BBS9: variants seen among roughly 807,000 people sequenced by gnomAD.
BBS9 encodes protein PTHB1.
A neutral mutation model predicts 117.7 loss-of-function variants in BBS9; 89 were observed. The observed-to-expected ratio is 0.76, with a 90% CI of 0.64 to 0.90. The LOEUF is 0.90. BBS9 is among the 40% of genes least tolerant of loss of function. The pLI is 0.00. For synonymous variants in BBS9, 379 were observed against 370.9 expected (o/e 1.02, Z -0.25); for missense variants, 982 against 1,042.2 (o/e 0.94, Z 0.80).
At chr7:33,517,961 G>A (rs1848046270) in intron 20 of BBS9, among the ~76,000 whole-genome samples, 1 of 152,078 alleles carries the variant, frequency 6.6e-6, no homozygotes, top group Non-Finnish European at 1.5e-5. Context: ...GAAAAATGCT[G>A]GCACATTTAA....
intron 21 of BBS9, among the ~76,000 whole-genome samples, chr7:33,581,948 C>G (rs191316744): frequency 6.7e-6 from 1 of 149,992 alleles, no homozygotes; most frequent in Non-Finnish European, 1.5e-5. Flanking sequence ...TTTGTGTTGT[C>G]TAGACAGTTT....
At chr7:33,239,812 C>T (rs890001028) in intron 5 of BBS9, among the ~76,000 whole-genome samples, 9 of 151,956 alleles carry the variant, frequency 5.9e-5, no homozygotes, top group African/African-American at 2.2e-4. Context: ...GAATTCAAGA[C>T]CAGCCTGAGC....
In BBS9 at chr7:33,564,956, A is replaced by G. The variant is rs562214366; in HGVS notation, c.2521+30780A>G. On this transcript the variant is annotated intron_variant, in intron 21 of 22. Transcript: ENST00000242067. ...TATAACATCAAAAGGAAATATTTAT[A>G]TAATGTAGTGCATGAGGCTACACAG... Among the ~76,000 whole-genome samples the G allele has an allele frequency of 7.2e-5, 11 of 152,304 alleles. No homozygotes were observed. In the South Asian group the frequency reaches 1.7e-3, roughly 23 times the overall value.
At chr7:33,444,546 A>G (rs1346085020) in intron 19 of BBS9, among the ~76,000 whole-genome samples, 1 of 152,240 alleles carries the variant, frequency 6.6e-6, no homozygotes, top group Non-Finnish European at 1.5e-5. Flanking sequence ...TAGTCATTAT[A>G]GAAAGCTGAT....
intron 19 of BBS9, among the ~76,000 whole-genome samples, chr7:33,438,950 G>A (rs1477871689): frequency 1.3e-5 from 2 of 152,158 alleles, no homozygotes; most frequent in Non-Finnish European, 2.9e-5. Context: ...ATCATAATTG[G>A]TAGGTACCCA....
chr7:33,366,286 C>T (rs1221875301), intron 16 of BBS9, among the ~76,000 whole-genome samples: 1 of 152,072 alleles, frequency 6.6e-6, no homozygotes, highest in Non-Finnish European at 1.5e-5. Flanking sequence ...TAGGCTGTTG[C>T]CTTTATTCTT....
At chr7:33,266,620 A>G (rs1798866747) in intron 7 of BBS9, among the ~76,000 whole-genome samples, 1 of 152,224 alleles carries the variant, frequency 6.6e-6, no homozygotes, top group East Asian at 1.9e-4. Context: ...CAACTCTTCT[A>G]TATCCTTATT....
intron 19 of BBS9, among the ~76,000 whole-genome samples, chr7:33,419,029 T>C (rs1037170611): frequency 6.6e-6 from 1 of 152,222 alleles, no homozygotes; most frequent in Non-Finnish European, 1.5e-5. Flanking sequence ...TTGGGTAGTA[T>C]TAAATGTTAA....
At chr7:33,466,796 A>G (rs1260949519) in intron 19 of BBS9, among the ~76,000 whole-genome samples, 1 of 152,154 alleles carries the variant, frequency 6.6e-6, no homozygotes, top group East Asian at 1.9e-4. Flanking sequence ...TCAGAGGCGG[A>G]TACAGAGGGA....
chr7:33,545,596 T>G (rs1400805154), intron 21 of BBS9, among the ~76,000 whole-genome samples: 1 of 152,102 alleles, frequency 6.6e-6, no homozygotes, highest in Non-Finnish European at 1.5e-5. Context: ...CTGTGGGTCC[T>G]CGGGATTGCT....
chr7:33,518,731 A>C (rs936619556), intron 20 of BBS9, among the ~76,000 whole-genome samples: 1 of 152,216 alleles, frequency 6.6e-6, no homozygotes, highest in African/African-American at 2.4e-5. Flanking sequence ...TTGATAGACA[A>C]TGATATTTAA....
At chr7:33,260,620 G>A (rs6957562) in intron 6 of BBS9, among the ~76,000 whole-genome samples, 4,017 of 152,218 alleles carry the variant, frequency 0.026, 165 homozygotes, top group African/African-American at 0.09. Flanking sequence ...TTTTCAACAG[G>A]CTTGTGTGCC....
At chr7:33,330,550 C>T (rs1349359336) in intron 9 of BBS9, among the ~76,000 whole-genome samples, 1 of 152,126 alleles carries the variant, frequency 6.6e-6, no homozygotes, top group Non-Finnish European at 1.5e-5. Flanking sequence ...TTCTTACCAT[C>T]TCAAAGGGAG....
At position 33,171,381 on chromosome 7, in the gene BBS9, T is replaced by C. The variant is rs557439637; in HGVS notation, c.329-6097T>C. 1.2e-3 allele frequency among the ~76,000 whole-genome samples: 176 copies of C among 152,300 alleles called. 3 individuals carry two copies. The Middle Eastern group carries it at 0.014, about 12-fold the overall frequency. On this transcript the variant is annotated intron_variant, in intron 4 of 22. Coordinates refer to ENST00000242067, the MANE Select transcript of BBS9 (RefSeq NM_198428.3). ...GGATTCCCTATTTAATAAATGGTGC[T>C]GGGAAAACTGGCTAGCCATATGTAG...
At chr7:33,210,086 T>G (rs923554661) in intron 5 of BBS9, among the ~76,000 whole-genome samples, 5 of 152,224 alleles carry the variant, frequency 3.3e-5, no homozygotes, top group African/African-American at 9.6e-5. Context: ...TTCGGTACAT[T>G]ATGTTTCCAT....
intron 21 of BBS9, among the ~76,000 whole-genome samples, chr7:33,619,091 C>T (rs1753381134): frequency 6.6e-6 from 1 of 152,056 alleles, no homozygotes; most frequent in African/African-American, 2.4e-5. Flanking sequence ...GACACAACTA[C>T]ATGCAGCATA....
downstream of BBS9, among the ~76,000 whole-genome samples, chr7:33,606,659 C>G (rs1215767545): frequency 6.6e-6 from 1 of 152,088 alleles, no homozygotes; most frequent in Non-Finnish European, 1.5e-5. Context: ...CACCCTACTT[C>G]CCAGATTTTT....
At chr7:33,419,342 T>TA (rs1388925285) in intron 19 of BBS9, among the ~76,000 whole-genome samples, 5 of 152,204 alleles carry the variant, frequency 3.3e-5, no homozygotes, top group Non-Finnish European at 7.3e-5. Context: ...AAATATATTT[T>TA]AAAATATTGC....
chr7:33,268,061 C>T (rs1416793881), intron 7 of BBS9, among the ~76,000 whole-genome samples: 1 of 152,160 alleles, frequency 6.6e-6, no homozygotes, highest in African/African-American at 2.4e-5. Context: ...ATTCCCTATT[C>T]CTCAGGCAAG....
Sources: gnomAD v4.1 joint callset for allele counts (sites outside exome capture counted in the v4.1 genomes callset) on GRCh38, gnomAD v4.1.1 for gene constraint, MANE v1.5 for transcripts, NCBI Gene and HGNC (gene_info 2026-07-23, HGNC 2026-07-21) for gene names.